The following CADM2 variants were observed in gnomAD, a reference collection of about 807,000 sequenced individuals.
CADM2 encodes the protein immunoglobulin superfamily member 4D.
CADM2 carries 12 observed loss-of-function variants against 49.8 expected under a neutral mutation model. The observed-to-expected ratio is 0.24, with a 90% confidence interval of 0.15 to 0.39. The LOEUF (loss-of-function observed/expected upper bound fraction) is 0.39. Among genes scored for constraint, CADM2 ranks in the 10% least tolerant of loss-of-function variants. CADM2 has a pLI of 1.00. For synonymous variants in CADM2, 214 were observed against 175.4 expected (o/e 1.22, Z -1.74); for missense variants, 378 against 492.3 (o/e 0.77, Z 2.20).
At chr3:85,057,338 G>A (rs1182435247) in intron 1 of CADM2, among the ~76,000 whole-genome samples, 3 of 151,650 alleles carry the variant, frequency 2.0e-5, no homozygotes, top group African/African-American at 4.8e-5. Flanking sequence ...TTCCTGTAGT[G>A]TTACAGAACT....
intron 1 of CADM2, among the ~76,000 whole-genome samples, chr3:85,388,182 C>G: frequency 6.6e-6 from 1 of 152,174 alleles, no homozygotes; most frequent in Non-Finnish European, 1.5e-5. Flanking sequence ...GAGCATAGCA[C>G]CATGCCTGGC....
At chr3:85,744,438 C>T (rs3158) in intron 2 of CADM2, among the ~76,000 whole-genome samples, 44,313 of 151,794 alleles carry the variant, frequency 0.29, 6,963 homozygotes, top group East Asian at 0.63. Flanking sequence ...GTAATTATTA[C>T]ACATTGTGTA....
intron 1 of CADM2, among the ~76,000 whole-genome samples, chr3:84,997,262 G>A (rs1020497483): frequency 1.3e-5 from 2 of 151,990 alleles, no homozygotes; most frequent in African/African-American, 4.8e-5. Flanking sequence ...CTTTGTTAAA[G>A]GGTATCACTC....
chr3:85,511,142 A>C (rs2040599465), intron 1 of CADM2, among the ~76,000 whole-genome samples: 3 of 151,990 alleles, frequency 2.0e-5, no homozygotes, highest in Admixed American at 2.0e-4. Context: ...AGCACACCTC[A>C]CCCCTAGGAA....
chr3:85,493,628 A>G (rs2039767532), intron 1 of CADM2, among the ~76,000 whole-genome samples: 2 of 152,298 alleles, frequency 1.3e-5, no homozygotes, highest in African/African-American at 4.8e-5. Flanking sequence ...ATTCTACTAG[A>G]GTCCTAACAA....
At chr3:85,585,607 C>T (rs559267235) in intron 1 of CADM2, among the ~76,000 whole-genome samples, 7 of 151,990 alleles carry the variant, frequency 4.6e-5, no homozygotes, top group Admixed American at 2.0e-4. Flanking sequence ...CATCCACTGA[C>T]GATCTTGAAA....
intron 1 of CADM2, among the ~76,000 whole-genome samples, chr3:85,676,789 C>A (rs1010176498): frequency 6.6e-6 from 1 of 152,074 alleles, no homozygotes; most frequent in African/African-American, 2.4e-5. Flanking sequence ...TAGACATTCC[C>A]AGTTGCTTTA....
intron 1 of CADM2, among the ~76,000 whole-genome samples, chr3:85,444,364 C>T (rs1025230310): frequency 2.0e-4 from 30 of 151,992 alleles, no homozygotes; most frequent in Admixed American, 6.6e-4. Flanking sequence ...AATATTAAAA[C>T]TGGATTTATA....
chr3:85,280,335 T>C (rs1312998412), intron 1 of CADM2, among the ~76,000 whole-genome samples: 2 of 151,562 alleles, frequency 1.3e-5, no homozygotes, highest in Non-Finnish European at 3.0e-5. Flanking sequence ...AGTTTGTTTT[T>C]CCTTAACTTT....
rs1424394936 is a variant in CADM2 at position 85,673,470 on chromosome 3, A to G, written c.62-53052A>G. The stretch of plus-strand genomic sequence containing the variant: ...TGTGCTTGCTTGGCAATTTATCTAG[A>G]TTACTGGGAAGAGAGTGCTATTAAA... On this transcript the variant is annotated intron_variant, in intron 1 of 9. Transcript: ENST00000383699. 4.7e-5 allele frequency among the ~76,000 whole-genome samples: 7 copies of G among 150,070 alleles called. No individual in the cohort carries two copies. In the Admixed American group the frequency reaches 4.7e-4, roughly 10 times the overall value.
chr3:85,422,955 G>A (rs941908066), intron 1 of CADM2, among the ~76,000 whole-genome samples: 2 of 152,044 alleles, frequency 1.3e-5, no homozygotes, highest in African/African-American at 4.8e-5. Flanking sequence ...TTGGGTTCCC[G>A]CACCCAGTGC....
chr3:85,317,460 A>G (rs539641646), intron 1 of CADM2, among the ~76,000 whole-genome samples: 1 of 152,334 alleles, frequency 6.6e-6, no homozygotes, highest in South Asian at 2.1e-4. Flanking sequence ...TGCTGCTACA[A>G]TGAAATACCT....
At chr3:84,972,878 T>C (rs534570828) in intron 1 of CADM2, among the ~76,000 whole-genome samples, 28 of 152,226 alleles carry the variant, frequency 1.8e-4, no homozygotes, top group African/African-American at 5.5e-4. Flanking sequence ...AAATACATAA[T>C]TCCTTTCTTA....
chr3:85,117,460 G>A (rs2038678644), intron 1 of CADM2, among the ~76,000 whole-genome samples: 1 of 152,106 alleles, frequency 6.6e-6, no homozygotes, highest in Non-Finnish European at 1.5e-5. Context: ...CTTGAAAAGA[G>A]CAATGTCATG....
chr3:85,644,184 C>CT (rs1559565815), intron 1 of CADM2, among the ~76,000 whole-genome samples: 1 of 152,114 alleles, frequency 6.6e-6, no homozygotes. Context: ...GTCTTCCAGG[C>CT]TTACAGACGA....
intron 1 of CADM2, among the ~76,000 whole-genome samples, chr3:85,234,220 C>T (rs1049063442): frequency 1.3e-5 from 2 of 152,080 alleles, no homozygotes; most frequent in Non-Finnish European, 2.9e-5. Flanking sequence ...CTACCTTCCA[C>T]CAGCTACCAT....
chr3:85,739,691 A>G (rs2068297595), intron 2 of CADM2, among the ~76,000 whole-genome samples: 1 of 152,152 alleles, frequency 6.6e-6, no homozygotes, highest in African/African-American at 2.4e-5. Flanking sequence ...AATTTTAAAT[A>G]TCAAAGCATT....
intron 1 of CADM2, among the ~76,000 whole-genome samples, chr3:85,180,160 G>A (rs1363779517): frequency 6.6e-6 from 1 of 152,054 alleles, no homozygotes; most frequent in Non-Finnish European, 1.5e-5. Flanking sequence ...TTATTGGGAA[G>A]ATGATTTTTG....
At chr3:85,117,621 CAT>C (rs2038686451) in intron 1 of CADM2, among the ~76,000 whole-genome samples, 1 of 152,040 alleles carries the variant, frequency 6.6e-6, no homozygotes, top group Non-Finnish European at 1.5e-5. Context: ...AAATGATAAA[CAT>C]AATATCACTA....
Sources: allele counts gnomAD v4.1 joint callset (sites outside exome capture counted in the v4.1 genomes callset), GRCh38; gene constraint gnomAD v4.1.1; transcripts MANE v1.5; gene names NCBI Gene and HGNC (gene_info 2026-07-23, HGNC 2026-07-21).